Variants in GHR observed in about 807,000 individuals in gnomAD.
The protein encoded by GHR is growth hormone receptor, also known as GH receptor.
In GHR, 35 loss-of-function variants were observed where a neutral mutation model predicts 67.1. The ratio of observed to expected loss-of-function variants is 0.52; its 90% CI spans 0.40 to 0.69. The LOEUF (loss-of-function observed/expected upper bound fraction) is 0.69, where lower values mean the gene tolerates loss of function less well. Ranked by LOEUF, GHR falls within the 30% of genes least tolerant of loss-of-function variation. GHR has a pLI of 0.00. For synonymous variants in GHR, 272 were observed against 269.1 expected (o/e 1.01, Z -0.10); for missense variants, 792 against 764.6 (o/e 1.04, Z -0.42).
intron 3 of GHR, among the ~76,000 whole-genome samples, chr5:42,642,594 A>ATAC (rs1754534333): frequency 1.3e-5 from 2 of 152,168 alleles, no homozygotes; most frequent in South Asian, 2.1e-4. Context: ...TCTGTGGATA[A>ATAC]GTATTTTCAG....
intron 1 of GHR, among the ~76,000 whole-genome samples, chr5:42,523,625 C>T (rs1468497827): frequency 6.6e-6 from 1 of 152,088 alleles, no homozygotes; most frequent in South Asian, 2.1e-4. Flanking sequence ...TCCCCTATCT[C>T]TCTCCCTCTC....
intron 1 of GHR, among the ~76,000 whole-genome samples, chr5:42,559,188 G>C (rs868136070): frequency 1.3e-5 from 2 of 152,206 alleles, no homozygotes; most frequent in South Asian, 4.2e-4. Flanking sequence ...AGCCACATGT[G>C]ACTTATTGTA....
intron 1 of GHR, among the ~76,000 whole-genome samples, chr5:42,535,060 C>T (rs557679021): frequency 4.6e-5 from 7 of 152,116 alleles, no homozygotes; most frequent in Admixed American, 3.3e-4. Flanking sequence ...AGATATTAGT[C>T]CTTTTTCAGA....
Position 42,629,023 on chromosome 5 carries a change from C to G in GHR, c.71-15C>G. 1 of 1,316,262 alleles carries G rather than the reference C, an allele frequency of 7.6e-7. No individual in the cohort carries two copies. 81.5% of individuals were successfully genotyped at this position (1,316,262 alleles called of 1,614,324 possible). The stretch of plus-strand genomic sequence containing the variant: ...GATGGGGATGACTAATGGTTTTCTT[C>G]TCTTTCTGTTTCAGCCACAGCAGCT... On this transcript the variant is annotated splice_polypyrimidine_tract_variant and intron_variant, in intron 2 of 9. Coordinates refer to ENST00000230882, the MANE Select transcript of GHR (RefSeq NM_000163.5).
At chr5:42,492,380 A>T (rs1746152147) in intron 1 of GHR, among the ~76,000 whole-genome samples, 1 of 152,200 alleles carries the variant, frequency 6.6e-6, no homozygotes, top group African/African-American at 2.4e-5. Flanking sequence ...ACTGCTTATG[A>T]TTCACCTTAC....
intron 2 of GHR, among the ~76,000 whole-genome samples, chr5:42,617,560 T>C (rs1221476825): frequency 1.3e-5 from 2 of 152,082 alleles, no homozygotes; most frequent in African/African-American, 2.4e-5. Context: ...GGAGTTCTGT[T>C]CCTCCCCATT....
intron 1 of GHR, chr5:42,465,819 C>T: frequency 2.6e-6 from 2 of 776,540 alleles, no homozygotes; most frequent in South Asian, 2.7e-5. Flanking sequence ...CCAAGACCAC[C>T]ATGACCTTGA....
intron 3 of GHR, among the ~76,000 whole-genome samples, chr5:42,656,170 C>A (rs1303010888): frequency 6.6e-6 from 1 of 152,174 alleles, no homozygotes; most frequent in East Asian, 1.9e-4. Flanking sequence ...CACTCCCACT[C>A]TTCCTGCAAA....
At chr5:42,618,798 G>C (rs545910176) in intron 2 of GHR, among the ~76,000 whole-genome samples, 2 of 152,078 alleles carry the variant, frequency 1.3e-5, no homozygotes, top group East Asian at 3.9e-4. Context: ...CTATTCTGGA[G>C]AAAGCAAGGA....
intron 1 of GHR, among the ~76,000 whole-genome samples, chr5:42,548,991 C>T (rs1748878999): frequency 6.6e-6 from 1 of 152,200 alleles, no homozygotes; most frequent in South Asian, 2.1e-4. Context: ...CCATGTGTTA[C>T]ATTTCAACAG....
intron 5 of GHR, among the ~76,000 whole-genome samples, chr5:42,698,183 G>C (rs1027107511): frequency 2.6e-5 from 4 of 152,134 alleles, no homozygotes; most frequent in Non-Finnish European, 5.9e-5. Context: ...TGTCAATATA[G>C]CATGTAGATT....
chr5:42,571,055 T>C (rs1047730165), intron 2 of GHR, among the ~76,000 whole-genome samples: 6 of 152,178 alleles, frequency 3.9e-5, no homozygotes, highest in Non-Finnish European at 8.8e-5. Context: ...GTGCCTTCTT[T>C]TCCATCCATT....
chr5:42,428,725 T>TA (rs1742961661), intron 1 of GHR, among the ~76,000 whole-genome samples: 1 of 152,180 alleles, frequency 6.6e-6, no homozygotes, highest in Non-Finnish European at 1.5e-5. Context: ...GCTAAAGCAT[T>TA]AACAAGAGTC....
At chr5:42,643,016 A>G (rs1312028588) in intron 3 of GHR, among the ~76,000 whole-genome samples, 2 of 152,312 alleles carry the variant, frequency 1.3e-5, no homozygotes, top group Non-Finnish European at 2.9e-5. Context: ...AAGGAGCTCA[A>G]TTATACCTTA....
chr5:42,502,895 G>A (rs1187867464), intron 1 of GHR, among the ~76,000 whole-genome samples: 1 of 150,308 alleles, frequency 6.7e-6, no homozygotes, highest in Non-Finnish European at 1.5e-5. Context: ...TTTTCTCCAT[G>A]TGGCTAGCTG....
At chr5:42,503,362 A>G (rs534438311) in intron 1 of GHR, among the ~76,000 whole-genome samples, 1 of 152,366 alleles carries the variant, frequency 6.6e-6, no homozygotes, top group African/African-American at 2.4e-5. Context: ...AAGACAAGAC[A>G]AAACAAAACA....
At chr5:42,598,026 A>G (rs1028959443) in intron 2 of GHR, among the ~76,000 whole-genome samples, 1 of 152,254 alleles carries the variant, frequency 6.6e-6, no homozygotes, top group Admixed American at 6.5e-5. Context: ...GACTTGATTC[A>G]TGTCTTTAAT....
chr5:42,703,145 T>C (rs1377075931), intron 6 of GHR, among the ~76,000 whole-genome samples: 1 of 152,068 alleles, frequency 6.6e-6, no homozygotes, highest in Non-Finnish European at 1.5e-5. Context: ...ACCAATGTCA[T>C]GGAGCTTTTT....
intron 4 of GHR, among the ~76,000 whole-genome samples, chr5:42,690,808 AG>A (rs1203435835): frequency 2.0e-5 from 3 of 152,176 alleles, no homozygotes; most frequent in Admixed American, 6.5e-5. Flanking sequence ...CAGTAAACAG[AG>A]TTGATTTCTA....
Sources: allele counts gnomAD v4.1 joint callset (sites outside exome capture counted in the v4.1 genomes callset), GRCh38; gene constraint gnomAD v4.1.1; transcripts MANE v1.5; gene names NCBI Gene and HGNC (gene_info 2026-07-23, HGNC 2026-07-21).